TOX: variants seen among roughly 807,000 people sequenced by gnomAD.
The protein encoded by TOX is thymocyte selection associated high mobility group box.
In TOX, 11 loss-of-function variants were observed where a neutral mutation model predicts 53.7. That is an observed-to-expected ratio of 0.20 (90% CI 0.13 to 0.34). The LOEUF (loss-of-function observed/expected upper bound fraction) is 0.34. Ranked by LOEUF, TOX falls within the 10% of genes least tolerant of loss-of-function variation. The probability of loss-of-function intolerance (pLI) is 1.00; values close to 1 mark genes in which losing one functional copy is unlikely to be tolerated. For missense variants in TOX, 570 were observed against 664.6 expected (o/e 0.86, Z 1.56); for synonymous variants, 225 against 245.3 (o/e 0.92, Z 0.77).
chr8:58,913,776 A>ATAAATGTTTTAT (rs767559931), intron 3 of TOX, among the ~76,000 whole-genome samples: 45,156 of 152,122 alleles, frequency 0.3, 7,025 homozygotes, highest in East Asian at 0.41. Context: ...AGCTCTATGT[A>ATAAATGTTTTAT]AAAGTCTAAA....
chr8:58,875,604 T>C (rs1243747639), intron 3 of TOX, among the ~76,000 whole-genome samples: 1 of 152,222 alleles, frequency 6.6e-6, no homozygotes, highest in Non-Finnish European at 1.5e-5. Flanking sequence ...CTCATGGCTA[T>C]GCATTAGAAT....
chr8:58,851,048 A>G lies in TOX; in HGVS notation c.693+476T>C, dbSNP rs1175721299. On this transcript the variant is annotated intron_variant, in intron 4 of 8. Transcript: ENST00000361421. The surrounding 1 kb of genome is among the most constrained non-coding windows in gnomAD (Gnocchi z 4.4). The stretch of plus-strand genomic sequence containing the variant: ...CAATGAATCACCCAGGAAAGGAGTC[A>G]TCTAATATCCCTGGCACTTACTTTC... Among the ~76,000 whole-genome samples, 1 of 152,164 alleles carries G rather than the reference A, an allele frequency of 6.6e-6. No individual in the cohort carries two copies. Among genetic ancestry groups the G allele is most frequent in the African/African-American group, 2.4e-5 (1 of 41,442 alleles).
chr8:58,907,439 C>A (rs1356272319), intron 3 of TOX, among the ~76,000 whole-genome samples: 1 of 152,076 alleles, frequency 6.6e-6, no homozygotes, highest in African/African-American at 2.4e-5. Flanking sequence ...ACTAAAAATA[C>A]AAAAATTAAC....
intron 1 of TOX, among the ~76,000 whole-genome samples, chr8:59,002,542 G>C (rs1813711657): frequency 6.6e-6 from 1 of 150,946 alleles, no homozygotes; most frequent in Non-Finnish European, 1.5e-5. Flanking sequence ...CAGTGAGCGA[G>C]ATCGCGCCAC....
chr8:59,016,945 A>G (rs1814023374), intron 1 of TOX, among the ~76,000 whole-genome samples: 1 of 152,206 alleles, frequency 6.6e-6, no homozygotes, highest in Admixed American at 6.5e-5. Flanking sequence ...CCCAATCCCA[A>G]TATTATCTAT....
At chr8:58,997,743 T>C (rs190106665) in intron 1 of TOX, among the ~76,000 whole-genome samples, 162 of 152,326 alleles carry the variant, frequency 1.1e-3, no homozygotes, top group African/African-American at 3.7e-3. Flanking sequence ...TTTAAATTTA[T>C]ATATTATTTA....
chr8:58,982,743 T>A (rs769587604), intron 1 of TOX, among the ~76,000 whole-genome samples: 1 of 152,216 alleles, frequency 6.6e-6, no homozygotes, highest in African/African-American at 2.4e-5. Context: ...ATCCATTCAA[T>A]ATAACTCTGA....
intron 1 of TOX, among the ~76,000 whole-genome samples, chr8:59,001,497 A>T (rs1291962325): frequency 6.6e-6 from 1 of 152,178 alleles, no homozygotes; most frequent in African/African-American, 2.4e-5. Context: ...AGGGGATGTG[A>T]ACTGAGAAGA....
At chr8:58,850,839 G>A (rs183191896) in intron 4 of TOX, among the ~76,000 whole-genome samples, 135 of 152,260 alleles carry the variant, frequency 8.9e-4, no homozygotes, top group African/African-American at 1.9e-3. Context: ...ATTGCACAGC[G>A]CTGCTTTTGG....
intron 1 of TOX, among the ~76,000 whole-genome samples, chr8:59,013,175 CTT>C (rs1259838577): frequency 1.3e-5 from 2 of 152,142 alleles, no homozygotes; most frequent in Non-Finnish European, 2.9e-5. Context: ...TAAAACTGCT[CTT>C]GTTTATCTGC....
chr8:59,059,289 GC>G (rs1327872127), intron 1 of TOX, among the ~76,000 whole-genome samples: 5 of 152,220 alleles, frequency 3.3e-5, no homozygotes, highest in Non-Finnish European at 7.4e-5. Flanking sequence ...CTTTCTAAGA[GC>G]CTGGAGAAGG....
chr8:59,024,384 T>C (rs114402632), intron 1 of TOX, among the ~76,000 whole-genome samples: 2,002 of 152,338 alleles, frequency 0.013, 57 homozygotes, highest in African/African-American at 0.046. Context: ...ATCAGAATTT[T>C]GGGTTGGAAC....
chr8:58,868,810 G>A (rs1811146859), intron 3 of TOX, among the ~76,000 whole-genome samples: 1 of 144,320 alleles, frequency 6.9e-6, no homozygotes, highest in Non-Finnish European at 1.5e-5. Context: ...CAGAAGAAAA[G>A]AAATAATCAA....
At chr8:58,910,339 T>C (rs551664819) in intron 3 of TOX, among the ~76,000 whole-genome samples, 4 of 152,314 alleles carry the variant, frequency 2.6e-5, no homozygotes, top group Admixed American at 2.0e-4. Flanking sequence ...AGTTCAACCA[T>C]TGTCAGGTTG....
At chr8:58,869,223 C>T (rs1215685158) in intron 3 of TOX, among the ~76,000 whole-genome samples, 1 of 66,742 alleles carries the variant, frequency 1.5e-5, no homozygotes, top group African/African-American at 6.5e-5. Context: ...GAGACTGCGT[C>T]TCAAAAAAAA....
chr8:59,017,290 C>T (rs935471041), intron 1 of TOX, among the ~76,000 whole-genome samples: 1 of 152,094 alleles, frequency 6.6e-6, no homozygotes, highest in African/African-American at 2.4e-5. Context: ...TGGAGAGACC[C>T]TGTCTATGTA....
At chr8:59,046,811 A>G (rs1319431532) in intron 1 of TOX, among the ~76,000 whole-genome samples, 1 of 144,720 alleles carries the variant, frequency 6.9e-6, no homozygotes, top group East Asian at 2.1e-4. Context: ...GTAAGCCAAG[A>G]TTGTGCCACT....
At chr8:58,925,929 C>T (rs1398776123) in intron 3 of TOX, among the ~76,000 whole-genome samples, 2 of 152,210 alleles carry the variant, frequency 1.3e-5, no homozygotes, top group Non-Finnish European at 2.9e-5. Flanking sequence ...GTGCCCCTTC[C>T]CCTTTGCAGT....
At chr8:58,943,452 T>G (rs1448548) in intron 2 of TOX, among the ~76,000 whole-genome samples, 144,346 of 152,134 alleles carry the variant, frequency 0.95, 68,542 homozygotes, top group East Asian at 1. Context: ...TTCCAGCAGG[T>G]TCCTTTTCTG....
Sources: allele counts gnomAD v4.1 joint callset (sites outside exome capture counted in the v4.1 genomes callset), GRCh38; gene constraint gnomAD v4.1.1; non-coding constraint Gnocchi (gnomAD v3.1); transcripts MANE v1.5; gene names NCBI Gene and HGNC (gene_info 2026-07-23, HGNC 2026-07-21).